RPIA: variants seen among roughly 807,000 people sequenced by gnomAD.
RPIA encodes ribose-5-phosphate isomerase.
RPIA carries 29 observed loss-of-function variants against 37.8 expected under a neutral mutation model. That is an observed-to-expected ratio of 0.77 (90% CI 0.57 to 1.05). The LOEUF is 1.05. Ranked by LOEUF, RPIA falls within the 50% of genes least tolerant of loss-of-function variation. The pLI is 0.00. For synonymous variants in RPIA, 167 were observed against 157.0 expected (o/e 1.06, Z -0.48); for missense variants, 385 against 413.6 (o/e 0.93, Z 0.60).
chr2:88,698,376 T>G, intron 1 of RPIA, 108 bp from the exon 2 acceptor site: 1 of 936,286 alleles, frequency 1.1e-6, no homozygotes, highest in Non-Finnish European at 1.8e-6. Context: ...TGTACCTGTG[T>G]TGGTGGATTG....
At chr2:88,725,404 A>C (rs1322753795) in intron 3 of RPIA, among the ~76,000 whole-genome samples, 2 of 151,220 alleles carry the variant, frequency 1.3e-5, no homozygotes, top group Non-Finnish European at 2.9e-5. Flanking sequence ...TCTGAGATGA[A>C]GGTGTTGGCA....
At chr2:88,736,473 G>T in intron 6 of RPIA, 62 bp from the exon 7 acceptor site, 1 of 1,585,952 alleles carries the variant, frequency 6.3e-7, no homozygotes, top group Non-Finnish European at 8.7e-7. Context: ...CCTGAATTTG[G>T]TGTTTGCCTG....
At chr2:88,707,354 C>CA (rs1672910779) in intron 3 of RPIA, among the ~76,000 whole-genome samples, 2 of 151,936 alleles carry the variant, frequency 1.3e-5, no homozygotes, top group Non-Finnish European at 2.9e-5. Context: ...CCTAACATCT[C>CA]AAGTCCTGCC....
At chr2:88,740,922 G>GT (rs1347560523) in intron 8 of RPIA, among the ~76,000 whole-genome samples, 1 of 152,198 alleles carries the variant, frequency 6.6e-6, no homozygotes, top group Non-Finnish European at 1.5e-5. Flanking sequence ...GAAGGATCCA[G>GT]TTGCATAGGC....
chr2:88,744,189 TTTGA>T (rs1467332200), intron 8 of RPIA, among the ~76,000 whole-genome samples: 3 of 152,226 alleles, frequency 2.0e-5, no homozygotes, highest in African/African-American at 7.2e-5. Context: ...TCCCAGAGGT[TTTGA>T]TAGGTTGTAT....
intron 7 of RPIA, 100 bp from the exon 8 acceptor site, chr2:88,737,877 T>A (rs1052058588): frequency 2.3e-6 from 2 of 874,948 alleles, no homozygotes; most frequent in African/African-American, 3.3e-5. Context: ...TGGGAGCAGG[T>A]TAAAATGCAT....
chr2:88,736,667 C>T lies in RPIA; in HGVS notation c.729C>T (p.Val243=). 2 of 1,612,626 alleles carry T rather than the reference C, an allele frequency of 1.2e-6. No homozygotes were observed. The highest frequency in any genetic ancestry group is 1.7e-6 in the Non-Finnish European group (2 of 1,178,752). ...GCGTGGTTGAACTTCGAATGGCTGT[C>T]AACAAGGCTGTGAGTGGCCTGGTTG... The part of the protein sequence containing the change: ...FGGVVELRMA[V]NKAGPVVTDN... The change falls in exon 7 of 9, where the codon GTC becomes GTT. Residue 243 remains valine, a synonymous_variant. Transcript: ENST00000283646.
chr2:88,734,190 T>C (rs1467462701), intron 4 of RPIA, among the ~76,000 whole-genome samples: 1 of 134,340 alleles, frequency 7.4e-6, no homozygotes, highest in Non-Finnish European at 1.6e-5. Flanking sequence ...ATGTCTAAGA[T>C]TTTTTATTCC....
At position 88,693,418 on chromosome 2, in the gene RPIA, A is replaced by T. The variant is rs114595185; in HGVS notation, c.285+1435A>T. ...TGACCTTTTGGGGGCACCTGTTAAA[A>T]TCATATATGCCCTTCAGGGTTTGGC... On this transcript the variant is annotated intron_variant, in intron 1 of 8. Coordinates refer to ENST00000283646, the MANE Select transcript of RPIA (RefSeq NM_144563.3). 6.6e-3 allele frequency among the ~76,000 whole-genome samples: 1,011 copies of T among 152,290 alleles called. 17 individuals are homozygous for T. Among genetic ancestry groups the T allele is most frequent in the African/African-American group, 0.023 (973 of 41,560 alleles).
intron 3 of RPIA, among the ~76,000 whole-genome samples, chr2:88,713,120 A>ATATTT (rs1041923467): frequency 6.0e-4 from 39 of 65,294 alleles, no homozygotes; most frequent in South Asian, 1.5e-3. Context: ...ATATATATAT[A>ATATTT]TTTTTTTTTT....
chr2:88,711,347 A>C (rs1672960306), intron 3 of RPIA, among the ~76,000 whole-genome samples: 1 of 152,240 alleles, frequency 6.6e-6, no homozygotes, highest in Non-Finnish European at 1.5e-5. Context: ...ACTTTGGATC[A>C]GTCTAGAAAG....
intron 3 of RPIA, among the ~76,000 whole-genome samples, chr2:88,713,149 A>T (rs1270618711): frequency 9.4e-5 from 4 of 42,578 alleles, no homozygotes; most frequent in South Asian, 7.3e-4. Flanking sequence ...AGCTACGAGT[A>T]GGCCTTTTTT....
rs192484332 is a variant in RPIA at position 88,693,601 on chromosome 2, G to C, written c.285+1618G>C. 1.6e-4 allele frequency among the ~76,000 whole-genome samples: 25 copies of C among 152,330 alleles called. 1 individual carries two copies. The South Asian group carries it at 5.2e-3, about 32-fold the overall frequency. ...TTCGTTTCTTCCAGCCCCTTAAAGG[G>C]TAAGCTCCTGGAGGGTAGTTAACCT... On this transcript the variant is annotated intron_variant, in intron 1 of 8. Coordinates refer to ENST00000283646, the MANE Select transcript of RPIA (RefSeq NM_144563.3).
At chr2:88,699,343 A>AGATGCACTCAGT (rs1178733739) in intron 2 of RPIA, among the ~76,000 whole-genome samples, 22 of 152,166 alleles carry the variant, frequency 1.4e-4, no homozygotes, top group African/African-American at 5.3e-4. Flanking sequence ...AAACCTCCCA[A>AGATGCACTCAGT]GATGCACTCA....
intron 3 of RPIA, among the ~76,000 whole-genome samples, chr2:88,711,434 A>G (rs957388055): frequency 2.6e-5 from 4 of 152,236 alleles, no homozygotes; most frequent in African/African-American, 9.6e-5. Context: ...CTGACTGGCA[A>G]TTGGTTGAAA....
chr2:88,710,868 G>T (rs961916575), intron 3 of RPIA, among the ~76,000 whole-genome samples: 1 of 152,158 alleles, frequency 6.6e-6, no homozygotes, highest in South Asian at 2.1e-4. Flanking sequence ...TTCACTCCTC[G>T]AGCTCTTACC....
chr2:88,722,471 G>A (rs962410968), intron 3 of RPIA, among the ~76,000 whole-genome samples: 2 of 152,148 alleles, frequency 1.3e-5, no homozygotes, highest in Admixed American at 6.5e-5. Flanking sequence ...ATTATTTAAA[G>A]TTATGAAACT....
In RPIA at chr2:88,729,267, G is replaced by A. The variant is rs751686558; in HGVS notation, c.403-11G>A. ...TAAATGATCGTGGTTGCTCTTCCCTGTCCTCCGCAGGCCCGCCAGCTCATC... is the reference window on the plus strand; with the variant it reads ...TAAATGATCGTGGTTGCTCTTCCCTATCCTCCGCAGGCCCGCCAGCTCATC... On this transcript the variant is annotated splice_polypyrimidine_tract_variant and intron_variant, in intron 3 of 8. Coordinates refer to ENST00000283646, the MANE Select transcript of RPIA (RefSeq NM_144563.3). The A allele has an allele frequency of 2.6e-5, 42 of 1,613,936 alleles. No individual in the cohort carries two copies. Among genetic ancestry groups the A allele is most frequent in the Non-Finnish European group, 3.4e-5 (40 of 1,179,966 alleles).
intron 3 of RPIA, among the ~76,000 whole-genome samples, chr2:88,715,014 T>C (rs1673015424): frequency 6.6e-6 from 1 of 152,242 alleles, no homozygotes; most frequent in Admixed American, 6.5e-5. Context: ...ACCAGTCTTC[T>C]CTTTTTTTTA....
Sources: allele counts gnomAD v4.1 joint callset (sites outside exome capture counted in the v4.1 genomes callset), GRCh38; gene constraint gnomAD v4.1.1; transcripts MANE v1.5; gene names NCBI Gene and HGNC (gene_info 2026-07-23, HGNC 2026-07-21).